Variants in NBAS observed in about 807,000 individuals in gnomAD.
NBAS encodes the protein NAG/BC035112 fusion.
NBAS carries 219 observed loss-of-function variants against 302.5 expected under a neutral mutation model. The observed-to-expected ratio is 0.72, with a 90% CI of 0.65 to 0.81. The LOEUF (loss-of-function observed/expected upper bound fraction) is 0.81, where lower values mean the gene tolerates loss of function less well. Ranked by LOEUF, NBAS falls within the 30% of genes least tolerant of loss-of-function variation. The probability of loss-of-function intolerance (pLI) is 0.00; values close to 1 mark genes in which losing one functional copy is unlikely to be tolerated. For missense variants in NBAS, 2,932 were observed against 2,841.6 expected, an observed-to-expected ratio of 1.03 and a Z score of -0.72; for synonymous variants, 1,118 against 1,021.6, an observed-to-expected ratio of 1.09 and a Z score of -1.80.
chr2:14,919,679 A>G, the NBAS span, among the ~76,000 whole-genome samples: 1 of 152,184 alleles, frequency 6.6e-6, no homozygotes, highest in Non-Finnish European at 1.5e-5. Flanking sequence ...CATTTCAACA[A>G]TCTTCATAGC....
At chr2:14,860,339 C>A in the NBAS span, among the ~76,000 whole-genome samples, 1 of 152,098 alleles carries the variant, frequency 6.6e-6, no homozygotes, top group Non-Finnish European at 1.5e-5. Flanking sequence ...GGGTACAGAT[C>A]CACAAAGAAA....
At chr2:15,416,741 G>A (rs1229853635) in intron 24 of NBAS, among the ~76,000 whole-genome samples, 2 of 151,482 alleles carry the variant, frequency 1.3e-5, no homozygotes, top group Non-Finnish European at 2.9e-5. Context: ...AGGAGATGGA[G>A]GTTACAGTGA....
chr2:15,355,593 G>A (rs565221999), intron 33 of NBAS, among the ~76,000 whole-genome samples: 2 of 152,100 alleles, frequency 1.3e-5, no homozygotes, highest in African/African-American at 4.8e-5. Context: ...CTTGGGGGAG[G>A]TGATTAGATC....
intron 11 of NBAS, among the ~76,000 whole-genome samples, chr2:15,491,376 T>G (rs1053169388): frequency 5.3e-5 from 8 of 152,230 alleles, no homozygotes; most frequent in African/African-American, 1.9e-4. Flanking sequence ...TTTACTGCTA[T>G]TAAATCATAC....
the NBAS span, among the ~76,000 whole-genome samples, chr2:14,780,796 A>G: frequency 6.6e-6 from 1 of 152,198 alleles, no homozygotes; most frequent in African/African-American, 2.4e-5. Flanking sequence ...TAATCTGCTT[A>G]TGTGTTTTAT....
the NBAS span, among the ~76,000 whole-genome samples, chr2:15,044,347 C>T: frequency 6.6e-6 from 1 of 152,222 alleles, no homozygotes; most frequent in African/African-American, 2.4e-5. Context: ...AATGAACTCC[C>T]AGCTCAGAAA....
intron 47 of NBAS, among the ~76,000 whole-genome samples, chr2:15,228,826 T>C (rs1437977120): frequency 4.6e-5 from 7 of 151,910 alleles, no homozygotes; most frequent in Non-Finnish European, 8.8e-5. Context: ...GGGAGCAGAG[T>C]GTGGTGTACT....
At chr2:15,308,982 C>A (rs907337700) in intron 39 of NBAS, among the ~76,000 whole-genome samples, 189 bp downstream of exon 39, 7 of 151,592 alleles carry the variant, frequency 4.6e-5, no homozygotes, top group African/African-American at 1.7e-4. Flanking sequence ...AACTAACCTG[C>A]ACATTGTGCA....
At chr2:15,517,668 G>A (rs1662465983) in intron 9 of NBAS, among the ~76,000 whole-genome samples, 1 of 150,040 alleles carries the variant, frequency 6.7e-6, no homozygotes, top group Non-Finnish European at 1.5e-5. Flanking sequence ...TAAACCTATT[G>A]TAAATGGAAA....
At chr2:15,080,010 G>A in the NBAS span, among the ~76,000 whole-genome samples, 1 of 152,134 alleles carries the variant, frequency 6.6e-6, no homozygotes, top group Non-Finnish European at 1.5e-5. Context: ...ATAAAGAATA[G>A]CAGCCTACAA....
In NBAS at chr2:15,167,310, T is replaced by A. The variant is rs368395181; in HGVS notation, c.6854A>T (p.Asn2285Ile). 2 of 1,614,190 alleles carry A rather than the reference T, an allele frequency of 1.2e-6. No individual in the cohort carries two copies. The highest frequency in any genetic ancestry group is 1.1e-5 in the South Asian group (1 of 91,082). ...CAGGGAAAGAAGTTCTTGGTCACAA[T>A]TGGAATCATTCACCTTCAAGAAATA... ...ITAVTTVNDSNCDQELLSLLL... is the reference protein window; with the variant it reads ...ITAVTTVNDSICDQELLSLLL... The change falls in exon 52 of 52, where the codon AAT (asparagine) becomes ATT (isoleucine). Residue 2285 changes from asparagine (N) to isoleucine (I), a missense_variant. By Grantham distance (149) the Asn-to-Ile change is moderately radical (BLOSUM62 -3). Coordinates refer to ENST00000281513, the MANE Select transcript of NBAS (RefSeq NM_015909.4).
At chr2:15,428,840 G>A (rs1389218218) in intron 21 of NBAS, among the ~76,000 whole-genome samples, 2 of 151,958 alleles carry the variant, frequency 1.3e-5, no homozygotes, top group Non-Finnish European at 2.9e-5. Flanking sequence ...TCAGCAGATC[G>A]AGACCATCCT....
At chr2:15,427,186 GA>G (rs1677520640) in intron 22 of NBAS, among the ~76,000 whole-genome samples, 1 of 151,848 alleles carries the variant, frequency 6.6e-6, no homozygotes, top group Non-Finnish European at 1.5e-5. Flanking sequence ...CATGAAAAAA[GA>G]AAAACAAAAA....
chr2:15,091,320 T>C, the NBAS span, among the ~76,000 whole-genome samples: 11 of 61,746 alleles, frequency 1.8e-4, no homozygotes, highest in African/African-American at 3.8e-4. Context: ...TCCACTGATA[T>C]GTGGATTTTC....
chr2:14,841,518 G>C, the NBAS span, among the ~76,000 whole-genome samples: 1 of 147,170 alleles, frequency 6.8e-6, no homozygotes, highest in Non-Finnish European at 1.5e-5. Context: ...AAAAAAAACA[G>C]GAAAAGCTAT....
the NBAS span, among the ~76,000 whole-genome samples, chr2:14,874,611 G>A: frequency 0.016 from 2,407 of 147,364 alleles, 63 homozygotes; most frequent in African/African-American, 0.059. Flanking sequence ...CTGCACTCCA[G>A]CCTGGACGAC....
intron 49 of NBAS, among the ~76,000 whole-genome samples, chr2:15,187,266 CT>C (rs538262519): frequency 3.3e-5 from 5 of 151,924 alleles, no homozygotes; most frequent in Admixed American, 1.3e-4. Context: ...TATTTAATGA[CT>C]TTTTTTTCCT....
At chr2:15,328,437 T>A in intron 36 of NBAS, 125 bp from the exon 37 acceptor site, 1 of 782,748 alleles carries the variant, frequency 1.3e-6, no homozygotes, top group Non-Finnish European at 2.2e-6. Context: ...AAGAAACTGG[T>A]AATGCCTGCT....
intron 49 of NBAS, among the ~76,000 whole-genome samples, 187 bp from the exon 50 acceptor site, chr2:15,187,067 G>C (rs976624518): frequency 1.3e-5 from 2 of 152,158 alleles, no homozygotes; most frequent in Non-Finnish European, 2.9e-5. Context: ...TGTGGTATCA[G>C]CAAGCAGCCC....
Sources: allele counts gnomAD v4.1 joint callset (sites outside exome capture counted in the v4.1 genomes callset), GRCh38; gene constraint gnomAD v4.1.1; transcripts MANE v1.5; gene names NCBI Gene and HGNC (gene_info 2026-07-23, HGNC 2026-07-21).